The following KIFAP3 variants were observed in gnomAD, a reference collection of about 807,000 sequenced individuals.
KIFAP3 encodes kinesin associated protein 3.
In KIFAP3, 68 loss-of-function variants were observed where a neutral mutation model predicts 106.5. The observed-to-expected ratio is 0.64, with a 90% CI of 0.53 to 0.78. The LOEUF (loss-of-function observed/expected upper bound fraction) is 0.78, where lower values mean the gene tolerates loss of function less well. KIFAP3 is among the 30% of genes least tolerant of loss of function. The probability of loss-of-function intolerance (pLI) is 0.00; values close to 1 mark genes in which losing one functional copy is unlikely to be tolerated. For synonymous variants in KIFAP3, 320 were observed against 311.5 expected, an observed-to-expected ratio of 1.03 and a Z score of -0.29; for missense variants, 780 against 941.8, an observed-to-expected ratio of 0.83 and a Z score of 2.25.
chr1:170,001,764 C>A (rs948494472), intron 10 of KIFAP3, among the ~76,000 whole-genome samples: 8 of 151,912 alleles, frequency 5.3e-5, no homozygotes, highest in African/African-American at 1.7e-4. Flanking sequence ...TAAAGGCAAC[C>A]TAGTTTCAAA....
At chr1:170,077,884 TG>T (rs1418189828), upstream of KIFAP3, among the ~76,000 whole-genome samples, 5 of 148,096 alleles carry the variant, frequency 3.4e-5, no homozygotes, top group African/African-American at 1.3e-4. Flanking sequence ...TTTTCGGTCC[TG>T]TTTTTTTTTT....
intron 10 of KIFAP3, among the ~76,000 whole-genome samples, chr1:169,993,086 C>T (rs1255498861): frequency 1.3e-5 from 2 of 149,634 alleles, no homozygotes; most frequent in Non-Finnish European, 3.0e-5. Context: ...AGGAAATAAA[C>T]TGGTATTTTC....
At chr1:170,041,176 T>C (rs1223436881) in intron 3 of KIFAP3, among the ~76,000 whole-genome samples, 1 of 152,198 alleles carries the variant, frequency 6.6e-6, no homozygotes, top group East Asian at 1.9e-4. Context: ...CAAATATATT[T>C]TGATCATCTA....
At chr1:170,075,323 A>G (rs1026262902), upstream of KIFAP3, among the ~76,000 whole-genome samples, 8 of 152,222 alleles carry the variant, frequency 5.3e-5, no homozygotes, top group East Asian at 9.7e-4. Flanking sequence ...GGGTTCAGCT[A>G]TTATGTCTAT....
intron 17 of KIFAP3, among the ~76,000 whole-genome samples, chr1:169,961,754 T>G (rs912659874): frequency 6.6e-6 from 1 of 152,204 alleles, no homozygotes; most frequent in South Asian, 2.1e-4. Flanking sequence ...ACTTGGTGAA[T>G]AGTAAATATA....
At chr1:170,038,698 A>T (rs1389209182) in intron 4 of KIFAP3, among the ~76,000 whole-genome samples, 1 of 152,260 alleles carries the variant, frequency 6.6e-6, no homozygotes, top group Non-Finnish European at 1.5e-5. Flanking sequence ...AAATATTTGT[A>T]TCTACTACAG....
intron 11 of KIFAP3, among the ~76,000 whole-genome samples, chr1:169,990,891 G>A (rs1667060814): frequency 6.6e-6 from 1 of 151,966 alleles, no homozygotes; most frequent in Admixed American, 6.6e-5. Context: ...TTTCCCATCA[G>A]AGAATGCAAA....
intron 11 of KIFAP3, chr1:169,990,038 TTTG>T: frequency 6.5e-7 from 1 of 1,543,992 alleles, no homozygotes; most frequent in Non-Finnish European, 8.8e-7. Context: ...GGAATTATGC[TTTG>T]TTATCATAGT....
intron 10 of KIFAP3, among the ~76,000 whole-genome samples, chr1:169,997,908 A>G (rs1331134073): frequency 1.3e-5 from 2 of 151,256 alleles, no homozygotes; most frequent in African/African-American, 4.9e-5. Flanking sequence ...AAAAAAAAAA[A>G]AACTCTGCTG....
intron 1 of KIFAP3, among the ~76,000 whole-genome samples, 172 bp from the exon 2 acceptor site, chr1:170,055,608 ATGTATATATGTG>A (rs1192314325): frequency 6.6e-6 from 1 of 152,174 alleles, no homozygotes; most frequent in Non-Finnish European, 1.5e-5. Flanking sequence ...ATACATATAT[ATGTATATATGTG>A]TGTATATATA....
intron 10 of KIFAP3, among the ~76,000 whole-genome samples, chr1:169,995,216 C>T (rs1025611568): frequency 2.6e-5 from 4 of 152,016 alleles, no homozygotes; most frequent in South Asian, 2.1e-4. Flanking sequence ...CAAAACTTAA[C>T]GTTTGAACAG....
intron 8 of KIFAP3, among the ~76,000 whole-genome samples, chr1:170,029,579 C>T (rs1226037302): frequency 1.3e-5 from 2 of 151,380 alleles, no homozygotes; most frequent in Non-Finnish European, 3.0e-5. Context: ...ACCTCAGCTT[C>T]CACTTAAACA....
At chr1:170,085,021 A>G (rs570012446) in intron 1 of KIFAP3, 19 of 152,348 alleles carry the variant, frequency 1.2e-4, no homozygotes, top group African/African-American at 4.6e-4. Context: ...CAGTACATAG[A>G]AAATCTTTCT....
chr1:170,082,527 A>G (rs963613846), intron 1 of KIFAP3, among the ~76,000 whole-genome samples: 3 of 152,236 alleles, frequency 2.0e-5, no homozygotes, highest in African/African-American at 7.2e-5. Flanking sequence ...ACTTGCATTC[A>G]TTTTATTGCA....
chr1:169,976,102 G>A (rs2101897931), intron 16 of KIFAP3, among the ~76,000 whole-genome samples: 1 of 152,230 alleles, frequency 6.6e-6, no homozygotes, highest in Non-Finnish European at 1.5e-5. Flanking sequence ...TCCCAAAACA[G>A]AGGCAGTAAC....
intron 11 of KIFAP3, chr1:169,990,157 C>T: frequency 6.7e-7 from 1 of 1,490,518 alleles, no homozygotes; most frequent in Non-Finnish European, 9.0e-7. Flanking sequence ...GCACAGAGTT[C>T]AGTATGAAAT....
intron 19 of KIFAP3, among the ~76,000 whole-genome samples, chr1:169,932,027 G>A (rs979945887): frequency 2.6e-4 from 40 of 152,158 alleles, no homozygotes; most frequent in Admixed American, 1.8e-3. Flanking sequence ...ACTTCTCCAA[G>A]CACAAATATT....
chr1:170,061,877 G>A (rs1390028962), intron 1 of KIFAP3, among the ~76,000 whole-genome samples: 1 of 152,172 alleles, frequency 6.6e-6, no homozygotes. Flanking sequence ...CATGGATGAA[G>A]CTGGAAACCA....
rs1291885171 is a variant in KIFAP3, at chr1:169,921,630, A to G, written c.*46T>C. ...AAGATCCAAAATTAACCCAACCCAC[A>G]CAGATTTCTTCTAAGCTGAGATTAC... On this transcript the variant is annotated 3_prime_UTR_variant, in exon 20 of 20. Coordinates refer to ENST00000361580, the MANE Select transcript of KIFAP3 (RefSeq NM_014970.4). 3 of 1,472,338 alleles carry G rather than the reference A, an allele frequency of 2.0e-6. No individual in the cohort carries two copies. In the African/African-American group the frequency reaches 4.2e-5, roughly 20 times the overall value. 91.2% of individuals were successfully genotyped at this position (1,472,338 alleles called of 1,614,324 possible). A position where few individuals can be genotyped will look rare whatever the true frequency, so the allele number is the denominator to read the frequency against.
Sources: allele counts gnomAD v4.1 joint callset (sites outside exome capture counted in the v4.1 genomes callset), GRCh38; gene constraint gnomAD v4.1.1; transcripts MANE v1.5; gene names NCBI Gene and HGNC (gene_info 2026-07-23, HGNC 2026-07-21).